ZC3H12B: variants seen among roughly 807,000 people sequenced by gnomAD.
ZC3H12B encodes the protein zinc finger CCCH-type containing 12B.
A neutral mutation model predicts 43.9 loss-of-function variants in ZC3H12B; 7 were observed. The observed-to-expected ratio is 0.16, with a 90% CI of 0.09 to 0.30. The LOEUF (loss-of-function observed/expected upper bound fraction) is 0.30, where lower values mean the gene tolerates loss of function less well. Among genes scored for constraint, ZC3H12B ranks in the 10% least tolerant of loss-of-function variants. The pLI is 1.00. For synonymous variants in ZC3H12B, 222 were observed against 241.7 expected (o/e 0.92, Z 0.76); for missense variants, 475 against 670.2 (o/e 0.71, Z 3.22).
intron 1 of ZC3H12B, 107 bp from the exon 7 acceptor site, chrX:65,497,025 T>A: frequency 3.6e-6 from 2 of 561,451 alleles, no homozygotes; most frequent in Non-Finnish European, 5.2e-6. Context: ...AAGAAAAGAA[T>A]GTAAATGTCT....
the ZC3H12B span, among the ~76,000 whole-genome samples, chrX:65,283,467 T>G: frequency 3.6e-5 from 4 of 111,734 alleles, no homozygotes; most frequent in African/African-American, 1.3e-4. Flanking sequence ...TTGGAAGTTC[T>G]GGCCAGGGCA....
intron 2 of ZC3H12B, among the ~76,000 whole-genome samples, chrX:65,394,968 T>A (rs887944864): frequency 9.0e-5 from 10 of 111,547 alleles, no homozygotes; most frequent in Non-Finnish European, 1.7e-4. Context: ...ATTCTTGTTG[T>A]AGTAATTGTG....
the ZC3H12B span, among the ~76,000 whole-genome samples, chrX:65,297,408 T>G: frequency 9.1e-6 from 1 of 109,791 alleles, no homozygotes; most frequent in African/African-American, 3.3e-5. Flanking sequence ...AGCTGCAAAA[T>G]AAAATAAAAT....
the ZC3H12B span, among the ~76,000 whole-genome samples, chrX:65,049,390 G>T: frequency 1.8e-5 from 2 of 111,213 alleles, no homozygotes; most frequent in East Asian, 5.6e-4. Context: ...TTTGCATGTA[G>T]ATATCCAGTT....
intron 3 of ZC3H12B, among the ~76,000 whole-genome samples, chrX:65,399,223 C>A (rs1307433812): frequency 8.9e-6 from 1 of 112,292 alleles, no homozygotes; most frequent in Non-Finnish European, 1.9e-5. Flanking sequence ...AGAAAACAAT[C>A]AACAAAATGC....
the ZC3H12B span, among the ~76,000 whole-genome samples, chrX:65,311,962 G>C: frequency 9.0e-6 from 1 of 111,218 alleles, no homozygotes; most frequent in South Asian, 3.8e-4. Context: ...CTTGGACACA[G>C]GGTGGGGAAC....
At chrX:65,143,530 G>A in the ZC3H12B span, among the ~76,000 whole-genome samples, 1 of 107,900 alleles carries the variant, frequency 9.3e-6, no homozygotes, top group African/African-American at 3.4e-5. Flanking sequence ...CTGCATCTCT[G>A]GTGTGAAACC....
chrX:65,357,105 G>C, the ZC3H12B span: 9 of 515,767 alleles, frequency 1.7e-5, no homozygotes, highest in South Asian at 1.7e-4. Flanking sequence ...AGCTCCAAAG[G>C]CTTCCTGAGA....
chrX:65,128,940 G>C, the ZC3H12B span, among the ~76,000 whole-genome samples: 1 of 111,010 alleles, frequency 9.0e-6, no homozygotes, highest in Non-Finnish European at 1.9e-5. Context: ...TATTATATTT[G>C]AAGTGATTAT....
chrX:65,420,850 G>A (rs1396417250), intron 3 of ZC3H12B, among the ~76,000 whole-genome samples: 1 of 112,327 alleles, frequency 8.9e-6, no homozygotes, highest in African/African-American at 3.2e-5. Flanking sequence ...TGTACCAAAT[G>A]TGGTTTCATT....
chrX:65,329,840 T>C, the ZC3H12B span, among the ~76,000 whole-genome samples: 1 of 111,419 alleles, frequency 9.0e-6, no homozygotes, highest in Non-Finnish European at 1.9e-5. Context: ...GTCAGGTTTG[T>C]CAAAGATCAG....
chrX:65,481,206 G>A (rs2068059724), intron 3 of ZC3H12B, among the ~76,000 whole-genome samples: 4 of 111,167 alleles, frequency 3.6e-5, no homozygotes, highest in Non-Finnish European at 1.9e-5. Flanking sequence ...GATAAAACCA[G>A]CTCAAATTTC....
At chrX:65,385,068 G>T (rs1299019027) in intron 2 of ZC3H12B, among the ~76,000 whole-genome samples, 1 of 112,151 alleles carries the variant, frequency 8.9e-6, no homozygotes, top group Non-Finnish European at 1.9e-5. Context: ...AGTATAGTTT[G>T]AAGTCAGGTA....
chrX:65,303,145 T>G, the ZC3H12B span, among the ~76,000 whole-genome samples: 2 of 111,703 alleles, frequency 1.8e-5, no homozygotes, highest in African/African-American at 6.5e-5. Flanking sequence ...AAATAACTGA[T>G]AAGCTGGACT....
the ZC3H12B span, among the ~76,000 whole-genome samples, chrX:65,293,809 A>G: frequency 1.8e-5 from 2 of 111,927 alleles, no homozygotes; most frequent in East Asian, 5.6e-4. Context: ...AAGACAAAGA[A>G]CAAAGAATTT....
chrX:65,083,014 T>C, the ZC3H12B span, among the ~76,000 whole-genome samples: 2 of 110,580 alleles, frequency 1.8e-5, no homozygotes, highest in South Asian at 3.8e-4. Context: ...AAAAAACATA[T>C]GGTCATTTCA....
the ZC3H12B span, chrX:65,186,283 G>A: frequency 4.5e-5 from 5 of 110,193 alleles, no homozygotes; most frequent in African/African-American, 9.9e-5. Flanking sequence ...CTTGAGGTTA[G>A]GAGTTCAAGA....
At chrX:65,249,616 A>G in the ZC3H12B span, among the ~76,000 whole-genome samples, 1 of 111,027 alleles carries the variant, frequency 9.0e-6, no homozygotes, top group African/African-American at 3.3e-5. Flanking sequence ...TTTGATGGGA[A>G]TTGTGTTGAA....
the ZC3H12B span, among the ~76,000 whole-genome samples, chrX:65,150,732 A>T: frequency 9.0e-6 from 1 of 111,238 alleles, no homozygotes; most frequent in East Asian, 2.8e-4. Flanking sequence ...AGGCTTTTTT[A>T]TTTTTTATAT....
Sources: gnomAD v4.1 joint callset for allele counts (sites outside exome capture counted in the v4.1 genomes callset) on GRCh38, gnomAD v4.1.1 for gene constraint, MANE v1.5 for transcripts, NCBI Gene and HGNC (gene_info 2026-07-23, HGNC 2026-07-21) for gene names.